Variants in ZDHHC7 observed in about 807,000 individuals in gnomAD.
The protein encoded by ZDHHC7 is palmitoyltransferase ZDHHC7.
In ZDHHC7, 12 loss-of-function variants were observed where a neutral mutation model predicts 34.1. The ratio of observed to expected loss-of-function variants is 0.35; its 90% CI spans 0.23 to 0.57. The LOEUF (loss-of-function observed/expected upper bound fraction) is 0.57, where lower values mean the gene tolerates loss of function less well. Among genes scored for constraint, ZDHHC7 ranks in the 20% least tolerant of loss-of-function variants. The pLI is 0.84. For missense variants in ZDHHC7, 388 were observed against 402.7 expected (o/e 0.96, Z 0.31); for synonymous variants, 185 against 155.4 (o/e 1.19, Z -1.42).
At chr16:84,997,859 CTCCA>C (rs1158998754) in intron 1 of ZDHHC7, among the ~76,000 whole-genome samples, 8 of 128,798 alleles carry the variant, frequency 6.2e-5, no homozygotes, top group Admixed American at 1.7e-4. Context: ...CGCCACTGCA[CTCCA>C]TCCAGCCTGG....
chr16:84,996,781 C>T (rs1222668124), intron 1 of ZDHHC7, among the ~76,000 whole-genome samples: 1 of 152,126 alleles, frequency 6.6e-6, no homozygotes, highest in Non-Finnish European at 1.5e-5. Flanking sequence ...GTAATCCCAG[C>T]ACTTTGGGAG....
At chr16:84,982,387 A>G (rs2072382525) in intron 3 of ZDHHC7, among the ~76,000 whole-genome samples, 1 of 151,622 alleles carries the variant, frequency 6.6e-6, no homozygotes. Flanking sequence ...TCATCAAACA[A>G]TTAAAAAAAA....
At chr16:84,977,323 A>G in intron 6 of ZDHHC7, 98 bp from the exon 7 acceptor site, 1 of 1,466,346 alleles carries the variant, frequency 6.8e-7, no homozygotes, top group East Asian at 2.3e-5. Context: ...GCCCCTGGCC[A>G]GCTTCCAGGG....
At position 85,009,624 on chromosome 16, in the gene ZDHHC7, T is replaced by A. The variant is rs574123116; in HGVS notation, c.-104+1662A>T. ...ACCTATTTTCCAGAATGTTCAAGAA[T>A]TGCAATTTAGTTAATATTTCAGTTC... On this transcript the variant is annotated intron_variant, in intron 1 of 7. Transcript: ENST00000313732. Among the ~76,000 whole-genome samples, 12 of 152,184 alleles carry A rather than the reference T, an allele frequency of 7.9e-5. No homozygotes were observed. In the South Asian group the frequency reaches 2.3e-3, roughly 29 times the overall value.
intron 3 of ZDHHC7, among the ~76,000 whole-genome samples, chr16:84,987,890 G>T (rs1402354020): frequency 2.0e-5 from 3 of 152,240 alleles, no homozygotes; most frequent in Admixed American, 2.0e-4. Flanking sequence ...CAGGCGGCCA[G>T]GCGCAGTGGC....
At position 84,996,179 on chromosome 16, in the gene ZDHHC7, G is replaced by C. The variant is rs547575226; in HGVS notation, c.-103-172C>G. ...TTGCTCTTCTAAGTTTTGATTACTA[G>C]GTAAATTCACAATCCTGGAAATCAA... On this transcript the variant is annotated intron_variant, in intron 1 of 7. Transcript: ENST00000313732. 7.8e-4 allele frequency among the ~76,000 whole-genome samples: 119 copies of C among 152,046 alleles called. 1 individual carries two copies. The highest frequency in any genetic ancestry group is 1.5e-3 in the Non-Finnish European group (100 of 68,018).
chr16:84,998,157 G>A lies in ZDHHC7; in HGVS notation c.-103-2150C>T, dbSNP rs535695080. Among the ~76,000 whole-genome samples the A allele has an allele frequency of 4.7e-4, 71 of 151,490 alleles. 1 individual carries two copies. The South Asian group carries it at 5.0e-3, about 11-fold the overall frequency. On this transcript the variant is annotated intron_variant, in intron 1 of 7. Transcript: ENST00000313732. ...CGGGCGCCTGCAGTCCCAGCTACTC[G>A]GGAGGCTGAGACAGGAGAACGGCGC...
At chr16:84,978,934 A>G (rs960013601) in intron 5 of ZDHHC7, among the ~76,000 whole-genome samples, 2 of 152,186 alleles carry the variant, frequency 1.3e-5, no homozygotes, top group African/African-American at 4.8e-5. Flanking sequence ...GATTCCTGTT[A>G]TTATTAATAA....
chr16:85,021,408 C>CAA, the ZDHHC7 span, among the ~76,000 whole-genome samples: 1 of 59,656 alleles, frequency 1.7e-5, no homozygotes, highest in African/African-American at 1.5e-4. Flanking sequence ...GAGACTCCAT[C>CAA]CAAAAAAAAA....
chr16:85,011,027 G>A (rs1308032755), intron 1 of ZDHHC7, among the ~76,000 whole-genome samples: 1 of 152,248 alleles, frequency 6.6e-6, no homozygotes, highest in Non-Finnish European at 1.5e-5. Context: ...TGAGTGTCAC[G>A]CCCAAGGTCA....
chr16:85,022,843 C>A, the ZDHHC7 span, among the ~76,000 whole-genome samples: 1 of 152,158 alleles, frequency 6.6e-6, no homozygotes, highest in Non-Finnish European at 1.5e-5. Flanking sequence ...AACTGTGTTA[C>A]CTGCCTCTAA....
intron 3 of ZDHHC7, 130 bp from the exon 4 acceptor site, chr16:84,982,124 G>A (rs1037278276): frequency 1.4e-5 from 17 of 1,219,826 alleles, no homozygotes; most frequent in Middle Eastern, 3.0e-4. Flanking sequence ...GGGGTCAGGA[G>A]TTCAAGACCA....
rs2143565402 is a variant in ZDHHC7, at chr16:84,980,898, T to C, written c.440+972A>G. Reference sequence around the variant, plus strand: ...GATACCATTTCATCTTTCTTTACTTTCTGGCCAAACCATGAGGATATGAAT... The same window carrying C: ...GATACCATTTCATCTTTCTTTACTTCCTGGCCAAACCATGAGGATATGAAT... On this transcript the variant is annotated intron_variant, in intron 4 of 7. Transcript: ENST00000313732. Among the ~76,000 whole-genome samples the C allele has an allele frequency of 2.0e-5, 3 of 152,322 alleles. No individual in the cohort carries two copies. In the East Asian group the frequency reaches 5.8e-4, roughly 29 times the overall value.
chr16:85,000,572 T>G (rs868855562), intron 1 of ZDHHC7, among the ~76,000 whole-genome samples: 20 of 152,230 alleles, frequency 1.3e-4, no homozygotes, highest in Non-Finnish European at 8.8e-5. Flanking sequence ...TCCATGTTTA[T>G]ATTAAAATAC....
intron 7 of ZDHHC7, 50 bp from the exon 8 acceptor site, chr16:84,976,569 G>C: frequency 6.3e-7 from 1 of 1,590,316 alleles, no homozygotes; most frequent in Non-Finnish European, 8.5e-7. Flanking sequence ...AAGCTCGGCA[G>C]ACCCCACCAA....
chr16:85,017,159 A>C, the ZDHHC7 span, among the ~76,000 whole-genome samples: 1 of 152,210 alleles, frequency 6.6e-6, no homozygotes, highest in South Asian at 2.1e-4. Context: ...TACATGAAAA[A>C]ATTTATGTAA....
chr16:85,019,238 G>A, the ZDHHC7 span, among the ~76,000 whole-genome samples: 4 of 152,022 alleles, frequency 2.6e-5, no homozygotes, highest in East Asian at 1.9e-4. Context: ...CACATCTCAC[G>A]TCTCACCTGT....
At chr16:84,980,498 C>T (rs1164052961) in intron 4 of ZDHHC7, among the ~76,000 whole-genome samples, 1 of 151,854 alleles carries the variant, frequency 6.6e-6, no homozygotes, top group Admixed American at 6.6e-5. Context: ...GGCAAAACCC[C>T]GTCTCTACTA....
chr16:84,991,896 A>C (rs2072514205), intron 2 of ZDHHC7, among the ~76,000 whole-genome samples: 4 of 152,320 alleles, frequency 2.6e-5, no homozygotes, highest in Admixed American at 2.0e-4. Flanking sequence ...ACAAGATCTA[A>C]AGAAACTAAA....
Sources: gnomAD v4.1 joint callset for allele counts (sites outside exome capture counted in the v4.1 genomes callset) on GRCh38, gnomAD v4.1.1 for gene constraint, MANE v1.5 for transcripts, NCBI Gene and HGNC (gene_info 2026-07-23, HGNC 2026-07-21) for gene names.